The following ULK4 variants were observed in gnomAD, a reference collection of about 807,000 sequenced individuals.
ULK4 encodes inactive serine/threonine-protein kinase ULK4.
A neutral mutation model predicts 160.6 loss-of-function variants in ULK4; 133 were observed. The ratio of observed to expected loss-of-function variants is 0.83; its 90% CI spans 0.72 to 0.96. The LOEUF (loss-of-function observed/expected upper bound fraction) is 0.96. Among genes scored for constraint, ULK4 ranks in the 40% least tolerant of loss-of-function variants. The probability of loss-of-function intolerance (pLI) is 0.00; values close to 1 mark genes in which losing one functional copy is unlikely to be tolerated. For missense variants in ULK4, 1,580 were observed against 1,499.5 expected, an observed-to-expected ratio of 1.05 and a Z score of -0.89; for synonymous variants, 534 against 539.8, an observed-to-expected ratio of 0.99 and a Z score of 0.15.
chr3:41,764,781 A>C (rs2039103841), intron 21 of ULK4, among the ~76,000 whole-genome samples: 2 of 152,230 alleles, frequency 1.3e-5, no homozygotes, highest in African/African-American at 4.8e-5. Context: ...CTTTAAAATA[A>C]AGTGGAGATA....
chr3:41,511,816 T>C (rs760242612), intron 32 of ULK4, among the ~76,000 whole-genome samples: 9 of 151,710 alleles, frequency 5.9e-5, no homozygotes, highest in Non-Finnish European at 1.2e-4. Flanking sequence ...ATACCAAAAC[T>C]AGGAAAGGAC....
chr3:41,943,271 T>G (rs1379430339), intron 2 of ULK4, among the ~76,000 whole-genome samples: 1 of 73,154 alleles, frequency 1.4e-5, no homozygotes, highest in Non-Finnish European at 4.7e-5. Context: ...CATTTGTTTT[T>G]CATTTTTCAA....
At chr3:41,514,861 C>A (rs1285413377) in intron 32 of ULK4, among the ~76,000 whole-genome samples, 2 of 152,110 alleles carry the variant, frequency 1.3e-5, no homozygotes, top group Non-Finnish European at 2.9e-5. Flanking sequence ...AAAGCCCTTA[C>A]TTGACCACTA....
chr3:41,350,507 G>A (rs1442648515), intron 35 of ULK4, among the ~76,000 whole-genome samples: 4 of 152,180 alleles, frequency 2.6e-5, no homozygotes, highest in Non-Finnish European at 5.9e-5. Context: ...TTGACGGCTT[G>A]CCTAAGAAGG....
At chr3:41,301,410 T>C (rs2079794151) in intron 35 of ULK4, among the ~76,000 whole-genome samples, 1 of 152,166 alleles carries the variant, frequency 6.6e-6, no homozygotes, top group Non-Finnish European at 1.5e-5. Context: ...TCTAATTAGC[T>C]CTAAGTTATA....
chr3:41,385,936 A>T (rs1231290474), intron 35 of ULK4, among the ~76,000 whole-genome samples: 1 of 152,188 alleles, frequency 6.6e-6, no homozygotes, highest in Non-Finnish European at 1.5e-5. Flanking sequence ...AACACACATG[A>T]AACTTTTCAA....
intron 27 of ULK4, among the ~76,000 whole-genome samples, chr3:41,684,312 ATTGT>A (rs1171779149): frequency 6.6e-6 from 1 of 152,196 alleles, no homozygotes; most frequent in Non-Finnish European, 1.5e-5. Context: ...GGTAAAGATA[ATTGT>A]TTGTCTCAAG....
chr3:41,873,521 C>T (rs1397138249), intron 17 of ULK4, among the ~76,000 whole-genome samples: 1 of 151,962 alleles, frequency 6.6e-6, no homozygotes, highest in Admixed American at 6.6e-5. Context: ...TTACATTTTA[C>T]CCTACATTTT....
rs75463736 is a variant in ULK4, at chr3:41,408,923, A to G, written c.3493-10659T>C. ...ATATAAAAAAATGAAACTGGACCCC[A>G]CATCACACCATATATAAAAATTAAC... On this transcript the variant is annotated intron_variant, in intron 34 of 36. Coordinates refer to ENST00000301831, the MANE Select transcript of ULK4 (RefSeq NM_017886.4). 2.7e-3 allele frequency among the ~76,000 whole-genome samples: 409 copies of G among 152,302 alleles called. 1 individual carries two copies. Among genetic ancestry groups the G allele is most frequent in the African/African-American group, 9.4e-3 (390 of 41,568 alleles).
intron 32 of ULK4, among the ~76,000 whole-genome samples, chr3:41,554,114 C>T (rs372196023): frequency 5.9e-5 from 9 of 152,062 alleles, no homozygotes; most frequent in Non-Finnish European, 1.0e-4. Context: ...GCTTATTTCA[C>T]GTAACATAAT....
intron 21 of ULK4, among the ~76,000 whole-genome samples, chr3:41,776,412 A>G (rs1357429183): frequency 6.6e-6 from 1 of 150,692 alleles, no homozygotes; most frequent in East Asian, 1.9e-4. Flanking sequence ...TTTCCTTTTC[A>G]TATTTTAGTC....
chr3:41,752,991 T>C (rs1196315843), intron 22 of ULK4, among the ~76,000 whole-genome samples: 2 of 152,128 alleles, frequency 1.3e-5, no homozygotes, highest in Non-Finnish European at 2.9e-5. Context: ...GGCAAGAGAA[T>C]CACTCAAGCC....
intron 32 of ULK4, among the ~76,000 whole-genome samples, chr3:41,471,542 C>A (rs1249423759): frequency 1.3e-5 from 2 of 152,098 alleles, no homozygotes; most frequent in African/African-American, 4.8e-5. Flanking sequence ...ACAAAATATA[C>A]AATCTTCTCA....
chr3:41,842,178 T>TAAAA (rs1178331973), intron 17 of ULK4, among the ~76,000 whole-genome samples: 2 of 113,454 alleles, frequency 1.8e-5, no homozygotes, highest in Non-Finnish European at 3.5e-5. Context: ...AATGAACATG[T>TAAAA]AAAAAAAAAA....
chr3:41,642,750 C>A (rs1317606352), intron 30 of ULK4, among the ~76,000 whole-genome samples: 1 of 152,176 alleles, frequency 6.6e-6, no homozygotes, highest in Non-Finnish European at 1.5e-5. Flanking sequence ...TTCTAGATCC[C>A]TGAAGAATCA....
chr3:41,669,325 A>T (rs1048090809), intron 29 of ULK4, among the ~76,000 whole-genome samples: 5 of 152,092 alleles, frequency 3.3e-5, no homozygotes, highest in Non-Finnish European at 7.4e-5. Context: ...AGCTCACTGC[A>T]GCCTCAACCT....
intron 35 of ULK4, among the ~76,000 whole-genome samples, chr3:41,380,225 G>A (rs977465520): frequency 7.9e-5 from 12 of 152,116 alleles, no homozygotes; most frequent in African/African-American, 2.9e-4. Flanking sequence ...CAATTCAAAA[G>A]GGAATGCTAA....
At chr3:41,823,788 T>A (rs528844974) in intron 18 of ULK4, among the ~76,000 whole-genome samples, 1 of 152,224 alleles carries the variant, frequency 6.6e-6, no homozygotes, top group South Asian at 2.1e-4. Context: ...CTTTTCCAGT[T>A]TGCTATCACG....
chr3:41,317,362 A>ACC (rs1217828998), intron 35 of ULK4, among the ~76,000 whole-genome samples: 1 of 152,154 alleles, frequency 6.6e-6, no homozygotes, highest in East Asian at 1.9e-4. Flanking sequence ...GGCGTGAGCC[A>ACC]CCGCGCCCGG....
Sources: gnomAD v4.1 joint callset for allele counts (sites outside exome capture counted in the v4.1 genomes callset) on GRCh38, gnomAD v4.1.1 for gene constraint, MANE v1.5 for transcripts, NCBI Gene and HGNC (gene_info 2026-07-23, HGNC 2026-07-21) for gene names.